Variants in TMEM233 observed in about 807,000 individuals in gnomAD.
The protein encoded by TMEM233 is dispanin subfamily B member 2.
In TMEM233, 6 loss-of-function variants were observed where a neutral mutation model predicts 11.2. That is an observed-to-expected ratio of 0.54 (90% CI 0.29 to 1.06). TMEM233 has a LOEUF of 1.06. TMEM233 is among the 50% of genes least tolerant of loss of function. TMEM233 has a pLI of 0.08. For synonymous variants in TMEM233, 59 were observed against 55.8 expected (o/e 1.06, Z -0.26); for missense variants, 127 against 144.7 (o/e 0.88, Z 0.63).
the TMEM233 span, among the ~76,000 whole-genome samples, chr12:119,648,083 G>A: frequency 2.1e-4 from 32 of 152,020 alleles, no homozygotes; most frequent in African/African-American, 7.5e-4. Flanking sequence ...TTTTCACATA[G>A]CTGGTCCTTT....
At chr12:119,630,163 C>G (rs1954849992) in intron 2 of TMEM233, among the ~76,000 whole-genome samples, 1 of 152,222 alleles carries the variant, frequency 6.6e-6, no homozygotes, top group Admixed American at 6.5e-5. Flanking sequence ...CTACTCAACT[C>G]AGTCTTTGTA....
At chr12:119,618,965 T>G (rs1182274162) in intron 1 of TMEM233, among the ~76,000 whole-genome samples, 1 of 152,120 alleles carries the variant, frequency 6.6e-6, no homozygotes, top group African/African-American at 2.4e-5. Context: ...CTCACCCAAA[T>G]CTCATCTTTA....
intron 1 of TMEM233, among the ~76,000 whole-genome samples, chr12:119,601,949 G>A (rs931388736): frequency 1.3e-5 from 2 of 152,100 alleles, no homozygotes; most frequent in African/African-American, 4.8e-5. Context: ...TGAAAACAAG[G>A]CAACCAGTCT....
chr12:119,653,737 G>C, the TMEM233 span, among the ~76,000 whole-genome samples: 1 of 151,718 alleles, frequency 6.6e-6, no homozygotes, highest in Non-Finnish European at 1.5e-5. Context: ...CTTGAAGACA[G>C]GTAAATAAAA....
intron 1 of TMEM233, among the ~76,000 whole-genome samples, chr12:119,600,591 G>T (rs1440007103): frequency 6.6e-6 from 1 of 152,188 alleles, no homozygotes; most frequent in African/African-American, 2.4e-5. Flanking sequence ...ACATGAAATT[G>T]AATATTATTC....
In TMEM233 at chr12:119,640,865, A is replaced by AG; in HGVS notation, c.*160_*161insG. On this transcript the variant is annotated 3_prime_UTR_variant, in exon 3 of 3. Coordinates refer to ENST00000426426, the MANE Select transcript of TMEM233 (RefSeq NM_001136534.3). ...CCTGGCAAATGAACAAGAAAAAAAAAAAAAAAAAGTCCAAAATTTAGGCAA... is the reference window on the plus strand; with the variant it reads ...CCTGGCAAATGAACAAGAAAAAAAAAGAAAAAAAAGTCCAAAATTTAGGCAA... 2 of 788,558 alleles carry AG rather than the reference A, an allele frequency of 2.5e-6. No homozygotes were observed. Among genetic ancestry groups the AG allele is most frequent in the Admixed American group, 3.2e-5 (1 of 31,530 alleles). The allele number at this position is 788,558 out of a possible 1,614,324, so 48.8% of individuals were successfully genotyped here. A position where few individuals can be genotyped will look rare whatever the true frequency, so the allele number is the denominator to read the frequency against.
At chr12:119,616,426 G>A (rs1222525714) in intron 1 of TMEM233, among the ~76,000 whole-genome samples, 1 of 152,256 alleles carries the variant, frequency 6.6e-6, no homozygotes, top group Non-Finnish European at 1.5e-5. Context: ...TTTGCAGGAT[G>A]AAGAGAGACA....
chr12:119,623,034 C>G (rs973487584), intron 1 of TMEM233, among the ~76,000 whole-genome samples: 1 of 152,156 alleles, frequency 6.6e-6, no homozygotes, highest in Non-Finnish European at 1.5e-5. Context: ...TCCCCTTCAG[C>G]CAGGTCACCA....
intron 2 of TMEM233, among the ~76,000 whole-genome samples, chr12:119,637,569 CT>C (rs1352300675): frequency 1.2e-4 from 18 of 152,322 alleles, no homozygotes; most frequent in South Asian, 4.1e-4. Context: ...GCAAATCCCT[CT>C]TCTTTTCTAT....
At chr12:119,612,386 A>G (rs184825602) in intron 1 of TMEM233, among the ~76,000 whole-genome samples, 2 of 152,246 alleles carry the variant, frequency 1.3e-5, no homozygotes, top group African/African-American at 4.8e-5. Context: ...AGGCCAAGGC[A>G]GGTGGATTGC....
chr12:119,633,538 G>A (rs1333650417), intron 2 of TMEM233, among the ~76,000 whole-genome samples: 1 of 152,102 alleles, frequency 6.6e-6, no homozygotes, highest in East Asian at 1.9e-4. Flanking sequence ...AGTGAGCTGT[G>A]GTCATGCCAT....
At chr12:119,649,854 T>TAAAAAAAAAAAAAAA in the TMEM233 span, among the ~76,000 whole-genome samples, 1 of 91,306 alleles carries the variant, frequency 1.1e-5, no homozygotes, top group African/African-American at 4.5e-5. Flanking sequence ...GTTTAACTAT[T>TAAAAAAAAAAAAAAA]AAAAAAAAAA....
chr12:119,637,868 C>G (rs1393113363), intron 2 of TMEM233, among the ~76,000 whole-genome samples: 1 of 152,082 alleles, frequency 6.6e-6, no homozygotes, highest in Admixed American at 6.5e-5. Flanking sequence ...CAAATTAAAG[C>G]AATAACAACA....
Position 119,595,784 on chromosome 12 carries a change from G to C in TMEM233, c.186+1750G>C, listed in dbSNP as rs1014606183. ...CAGGACCCCCATCCACCCACCCCGC[G>C]CAAGCTCTGTTCTTCCTTCCCTGCT... On this transcript the variant is annotated intron_variant, in intron 1 of 2. Transcript: ENST00000426426. The surrounding 1 kb of genome is among the most constrained non-coding windows in gnomAD (Gnocchi z 4.3). Among the ~76,000 whole-genome samples the C allele has an allele frequency of 6.6e-6, 1 of 152,146 alleles. No individual in the cohort carries two copies. Among genetic ancestry groups the C allele is most frequent in the Admixed American group, 6.5e-5 (1 of 15,270 alleles).
chr12:119,633,581 T>C (rs117099782), intron 2 of TMEM233, among the ~76,000 whole-genome samples: 4,748 of 152,198 alleles, frequency 0.031, 123 homozygotes, highest in Non-Finnish European at 0.046. Context: ...AGTGAGACCC[T>C]GTCTCAAAAA....
the TMEM233 span, among the ~76,000 whole-genome samples, chr12:119,648,764 T>G: frequency 2.6e-5 from 4 of 152,180 alleles, no homozygotes; most frequent in Non-Finnish European, 4.4e-5. Flanking sequence ...ATTAATTAAT[T>G]AATTAATGAG....
chr12:119,614,843 C>T (rs958792474), intron 1 of TMEM233, among the ~76,000 whole-genome samples: 3 of 151,998 alleles, frequency 2.0e-5, no homozygotes, highest in Non-Finnish European at 4.4e-5. Flanking sequence ...TAGTCCAGGG[C>T]CTGGCACAGA....
intron 1 of TMEM233, among the ~76,000 whole-genome samples, chr12:119,613,119 A>G (rs888504513): frequency 1.3e-4 from 20 of 151,262 alleles, no homozygotes; most frequent in Non-Finnish European, 2.1e-4. Context: ...TAGCCCCCCA[A>G]TTGTTTGGTC....
At chr12:119,602,681 GT>G (rs1954191618) in intron 1 of TMEM233, among the ~76,000 whole-genome samples, 1 of 152,180 alleles carries the variant, frequency 6.6e-6, no homozygotes, top group Non-Finnish European at 1.5e-5. Flanking sequence ...AATTTAAACT[GT>G]TTTTAGAGTC....
Sources: gnomAD v4.1 joint callset for allele counts (sites outside exome capture counted in the v4.1 genomes callset) on GRCh38, gnomAD v4.1.1 for gene constraint, Gnocchi (gnomAD v3.1) non-coding constraint, MANE v1.5 for transcripts, NCBI Gene and HGNC (gene_info 2026-07-23, HGNC 2026-07-21) for gene names.